The following ATP9B variants were observed in gnomAD, a reference collection of about 807,000 sequenced individuals.
ATP9B encodes probable phospholipid-transporting ATPase IIB.
A neutral mutation model predicts 146.1 loss-of-function variants in ATP9B; 110 were observed. That is an observed-to-expected ratio of 0.75 (90% confidence interval 0.65 to 0.88). The LOEUF (loss-of-function observed/expected upper bound fraction) is 0.88. Among genes scored for constraint, ATP9B ranks in the 40% least tolerant of loss-of-function variants. ATP9B has a pLI of 0.00. For synonymous variants in ATP9B, 604 were observed against 569.7 expected (o/e 1.06, Z -0.86); for missense variants, 1,499 against 1,496.4 (o/e 1.00, Z -0.03).
chr18:79,327,520 CGTGCTCTCCGTGGTT>C (rs2096756739), intron 15 of ATP9B, among the ~76,000 whole-genome samples: 1 of 101,426 alleles, frequency 9.9e-6, no homozygotes, highest in African/African-American at 4.1e-5. Flanking sequence ...CCATGGTTAG[CGTGCTCTCCGTGGTT>C]AGCGTGCTCT....
chr18:79,139,438 G>A (rs781045131), intron 5 of ATP9B, among the ~76,000 whole-genome samples: 2 of 152,168 alleles, frequency 1.3e-5, no homozygotes, highest in Non-Finnish European at 2.9e-5. Flanking sequence ...GCGGTGGCAC[G>A]TCAGCTACTA....
At chr18:79,335,930 A>G (rs1016989251) in intron 17 of ATP9B, among the ~76,000 whole-genome samples, 4 of 152,056 alleles carry the variant, frequency 2.6e-5, no homozygotes, top group African/African-American at 4.8e-5. Flanking sequence ...TTCTAAATCC[A>G]TGGTATTACA....
intron 6 of ATP9B, among the ~76,000 whole-genome samples, chr18:79,149,931 A>T (rs9962624): frequency 0.24 from 37,028 of 151,834 alleles, 7,140 homozygotes; most frequent in African/African-American, 0.54. Context: ...AAATATAAAA[A>T]TTAGTTGGGT....
At chr18:79,137,462 C>T (rs932375467) in intron 5 of ATP9B, among the ~76,000 whole-genome samples, 17 of 152,128 alleles carry the variant, frequency 1.1e-4, no homozygotes, top group Non-Finnish European at 1.9e-4. Flanking sequence ...TTTGTTGCAT[C>T]ATTGGACAGA....
intron 5 of ATP9B, among the ~76,000 whole-genome samples, chr18:79,133,802 A>G (rs2094413104): frequency 6.6e-6 from 1 of 152,196 alleles, no homozygotes; most frequent in African/African-American, 2.4e-5. Context: ...TAGTCACTAA[A>G]GCGGACTGAG....
intron 11 of ATP9B, among the ~76,000 whole-genome samples, chr18:79,231,803 T>TATATACACAC (rs569726473): frequency 0.024 from 2,754 of 114,664 alleles, 45 homozygotes; most frequent in African/African-American, 0.03. Flanking sequence ...TATATATATA[T>TATATACACAC]ACACACACAC....
intron 15 of ATP9B, among the ~76,000 whole-genome samples, chr18:79,311,828 T>C (rs974449140): frequency 6.6e-6 from 1 of 152,174 alleles, no homozygotes; most frequent in South Asian, 2.1e-4. Context: ...GATGCCACCG[T>C]GATGGGACAG....
intron 17 of ATP9B, among the ~76,000 whole-genome samples, chr18:79,330,956 C>G (rs1477088055): frequency 1.3e-5 from 2 of 152,166 alleles, no homozygotes; most frequent in Non-Finnish European, 2.9e-5. Flanking sequence ...CTAATTTGTG[C>G]ATAAGGTTCA....
chr18:79,221,050 A>G (rs2095671688), intron 11 of ATP9B, among the ~76,000 whole-genome samples: 1 of 152,236 alleles, frequency 6.6e-6, no homozygotes, highest in Middle Eastern at 3.2e-3. Context: ...CCTGCTACAT[A>G]GAATGGTTAA....
chr18:79,137,929 A>T (rs548576730), intron 5 of ATP9B, among the ~76,000 whole-genome samples: 71 of 152,342 alleles, frequency 4.7e-4, no homozygotes, highest in African/African-American at 1.7e-3. Context: ...CTAATGTAGC[A>T]CAGGTGCCTG....
intron 11 of ATP9B, among the ~76,000 whole-genome samples, chr18:79,252,182 G>A (rs997233206): frequency 2.0e-5 from 3 of 152,218 alleles, no homozygotes; most frequent in African/African-American, 4.8e-5. Flanking sequence ...CACATGGGGG[G>A]CGTACTGCCC....
At chr18:79,071,399 C>CTTTTTTT (rs56119715) in intron 1 of ATP9B, among the ~76,000 whole-genome samples, 23,464 of 69,038 alleles carry the variant, frequency 0.34, 7,142 homozygotes, top group East Asian at 0.68. Context: ...ATTGTTCTTC[C>CTTTTTTT]TTTTTTTTTT....
chr18:79,343,053 AACAG>A (rs1465457945), intron 20 of ATP9B, among the ~76,000 whole-genome samples: 1 of 152,254 alleles, frequency 6.6e-6, no homozygotes, highest in Non-Finnish European at 1.5e-5. Flanking sequence ...ATGGTGAGTG[AACAG>A]ACATTCTGTG....
In ATP9B at chr18:79,323,233, C is replaced by A. The variant is rs541484146; in HGVS notation, c.1774-5908C>A. Reference sequence around the variant, plus strand: ...TCGTTGCTTCGCGTTAGTAATCCTCCGTTTATCGTTGCTTCGTGTTAGTAA... The same window carrying A: ...TCGTTGCTTCGCGTTAGTAATCCTCAGTTTATCGTTGCTTCGTGTTAGTAA... On this transcript the variant is annotated intron_variant, in intron 15 of 29. Coordinates refer to ENST00000426216, the MANE Select transcript of ATP9B (RefSeq NM_198531.5). Among the ~76,000 whole-genome samples the A allele has an allele frequency of 7.2e-5, 11 of 152,060 alleles. No individual in the cohort carries two copies. The East Asian group carries it at 2.1e-3, about 30-fold the overall frequency.
At chr18:79,123,243 A>G (rs898635924) in intron 4 of ATP9B, among the ~76,000 whole-genome samples, 2 of 152,316 alleles carry the variant, frequency 1.3e-5, no homozygotes, top group Middle Eastern at 3.4e-3. Context: ...TACAAGATGA[A>G]CATACAAAAG....
chr18:79,191,047 A>G (rs1049463777), intron 8 of ATP9B, among the ~76,000 whole-genome samples: 3 of 152,012 alleles, frequency 2.0e-5, no homozygotes, highest in African/African-American at 7.2e-5. Flanking sequence ...TTTATTTGAC[A>G]GTGTCTTTAT....
intron 7 of ATP9B, among the ~76,000 whole-genome samples, chr18:79,175,468 G>A (rs532736731): frequency 5.5e-4 from 83 of 152,206 alleles, no homozygotes; most frequent in African/African-American, 1.8e-3. Flanking sequence ...ACATACATGC[G>A]TACACAGATA....
intron 25 of ATP9B, chr18:79,352,412 C>T (rs62097664): frequency 2.6e-5 from 4 of 152,184 alleles, no homozygotes; most frequent in Non-Finnish European, 5.9e-5. Flanking sequence ...GTCTTGAGAA[C>T]TTCTGCTTCC....
chr18:79,241,324 C>T (rs1206847224), intron 11 of ATP9B, among the ~76,000 whole-genome samples: 2 of 152,066 alleles, frequency 1.3e-5, no homozygotes, highest in East Asian at 1.9e-4. Context: ...GTTATGGCCT[C>T]GCTACCTAGG....
Sources: allele counts gnomAD v4.1 joint callset (sites outside exome capture counted in the v4.1 genomes callset), GRCh38; gene constraint gnomAD v4.1.1; transcripts MANE v1.5; gene names NCBI Gene and HGNC (gene_info 2026-07-23, HGNC 2026-07-21).